Variants in ANKRD28 observed in about 807,000 individuals in gnomAD.
The protein encoded by ANKRD28 is serine/threonine-protein phosphatase 6 regulatory ankyrin repeat subunit A.
ANKRD28 carries 44 observed loss-of-function variants against 126.5 expected under a neutral mutation model. The ratio of observed to expected loss-of-function variants is 0.35; its 90% CI spans 0.27 to 0.45. The LOEUF (loss-of-function observed/expected upper bound fraction) is 0.45. ANKRD28 is among the 20% of genes least tolerant of loss of function. ANKRD28 has a pLI of 1.00. For synonymous variants in ANKRD28, 442 were observed against 468.5 expected (o/e 0.94, Z 0.73); for missense variants, 1,110 against 1,316.6 (o/e 0.84, Z 2.43).
chr3:15,805,085 A>G (rs2060548962), intron 1 of ANKRD28, among the ~76,000 whole-genome samples: 1 of 144,902 alleles, frequency 6.9e-6, no homozygotes, highest in African/African-American at 2.6e-5. Context: ...CAACAGTTAC[A>G]CATATGAACT....
At chr3:15,728,325 T>C (rs2074339974) in intron 6 of ANKRD28, among the ~76,000 whole-genome samples, 1 of 152,210 alleles carries the variant, frequency 6.6e-6, no homozygotes, top group Admixed American at 6.5e-5. Context: ...AACGGGGTCT[T>C]GCTCTGTCAC....
chr3:15,763,242 T>A (rs542298269), intron 3 of ANKRD28, among the ~76,000 whole-genome samples: 1 of 152,230 alleles, frequency 6.6e-6, no homozygotes, highest in Non-Finnish European at 1.5e-5. Context: ...TCATTCGCCT[T>A]CTTTCCCTTT....
Position 15,843,740 on chromosome 3 carries a change from G to A in ANKRD28, c.27+15637C>T, listed in dbSNP as rs1326109110. 2.7e-5 allele frequency among the ~76,000 whole-genome samples: 4 copies of A among 150,294 alleles called. No individual in the cohort carries two copies. The East Asian group carries it at 7.9e-4, about 30-fold the overall frequency. On this transcript the variant is annotated intron_variant, in intron 1 of 27. Transcript: ENST00000399451. This position sits in a 1 kb window ranked among gnomAD's most constrained non-coding sequence, Gnocchi z 5.2. ...AAATTTCAGATAAAGATAGAATTAA[G>A]AGTACAGTAGGCCAGTTTGAGCCAA...
intron 4 of ANKRD28, among the ~76,000 whole-genome samples, chr3:15,743,582 A>ACACG (rs1205429602): frequency 1.3e-5 from 2 of 150,698 alleles, no homozygotes; most frequent in African/African-American, 5.0e-5. Flanking sequence ...ACACACACAC[A>ACACG]CACACACACA....
At chr3:15,720,405 T>C (rs1417565544) in intron 8 of ANKRD28, among the ~76,000 whole-genome samples, 1 of 152,174 alleles carries the variant, frequency 6.6e-6, no homozygotes, top group African/African-American at 2.4e-5. Flanking sequence ...CACCCAGTTA[T>C]TTGATGCTTT....
At chr3:15,783,988 G>A (rs761185385) in intron 2 of ANKRD28, among the ~76,000 whole-genome samples, 4 of 151,926 alleles carry the variant, frequency 2.6e-5, no homozygotes, top group Non-Finnish European at 5.9e-5. Context: ...CTACGCCTCA[G>A]GAGCCATGAA....
intron 3 of ANKRD28, among the ~76,000 whole-genome samples, chr3:15,760,180 G>GA (rs1459692437): frequency 3.3e-5 from 5 of 152,124 alleles, no homozygotes; most frequent in Non-Finnish European, 5.9e-5. Flanking sequence ...AACACACACT[G>GA]GGGCCTATCA....
chr3:15,674,949 G>C (rs968645255), intron 27 of ANKRD28, among the ~76,000 whole-genome samples: 2 of 152,036 alleles, frequency 1.3e-5, no homozygotes, highest in Admixed American at 6.6e-5. Context: ...GGGGGAGAAG[G>C]CCTGACTATA....
At chr3:15,789,889 GAGA>G (rs1433643444) in intron 2 of ANKRD28, among the ~76,000 whole-genome samples, 7 of 151,788 alleles carry the variant, frequency 4.6e-5, no homozygotes, top group Admixed American at 1.3e-4. Flanking sequence ...AAGAAAAAAA[GAGA>G]AGAAGATCCA....
chr3:15,706,556 G>GC (rs2071454523), intron 14 of ANKRD28, among the ~76,000 whole-genome samples: 1 of 152,120 alleles, frequency 6.6e-6, no homozygotes, highest in Non-Finnish European at 1.5e-5. Flanking sequence ...ACATACGTGT[G>GC]CATGTGTCTT....
Position 15,737,194 on chromosome 3 carries a change from T to G in ANKRD28, c.391A>C (p.Asn131His). Residue 131 changes from asparagine to histidine, a missense_variant, in exon 5 of 28, where the codon AAT becomes CAT. By Grantham distance (68) the Asn-to-His change is moderately conservative. Transcript: ENST00000683139. ...QVLLKHSADV[N>H]ARDKNWQTPL... Reference sequence around the variant, plus strand: ...GTTTGCCAATTTTTGTCTCGAGCATTAACATCTGCAGAATGCTTCAAAAGT... The same window carrying G: ...GTTTGCCAATTTTTGTCTCGAGCATGAACATCTGCAGAATGCTTCAAAAGT... The G allele has an allele frequency of 6.2e-7, 1 of 1,614,010 alleles. No individual in the cohort carries two copies. The highest frequency in any genetic ancestry group is 8.5e-7 in the Non-Finnish European group (1 of 1,179,894).
At position 15,752,508 on chromosome 3, in the gene ANKRD28, G is replaced by A. The variant is rs114745469; in HGVS notation, c.281-688C>T. 5.6e-3 allele frequency among the ~76,000 whole-genome samples: 854 copies of A among 152,136 alleles called. 6 individuals are homozygous for A. The highest frequency in any genetic ancestry group is 0.02 in the African/African-American group (813 of 41,508). Reference sequence around the variant, plus strand: ...TAAGACAAAAAAATTTACATTATTCGAGGAGGGAATAATTTATCTCCCATA... The same window carrying A: ...TAAGACAAAAAAATTTACATTATTCAAGGAGGGAATAATTTATCTCCCATA... On this transcript the variant is annotated intron_variant, in intron 3 of 27. Coordinates refer to ENST00000683139, the MANE Select transcript of ANKRD28 (RefSeq NM_001349278.2).
chr3:15,756,010 TGCCAGAA>T (rs2058134616), intron 3 of ANKRD28, among the ~76,000 whole-genome samples: 1 of 152,252 alleles, frequency 6.6e-6, no homozygotes. Context: ...AAAACTTACA[TGCCAGAA>T]GCACCTCATT....
intron 6 of ANKRD28, among the ~76,000 whole-genome samples, chr3:15,725,807 G>C (rs1042298349): frequency 6.6e-6 from 1 of 152,156 alleles, no homozygotes; most frequent in Non-Finnish European, 1.5e-5. Context: ...AATTTGTGAG[G>C]CTGAGGCAGG....
intron 1 of ANKRD28, among the ~76,000 whole-genome samples, chr3:15,807,357 G>A (rs907527667): frequency 6.6e-6 from 1 of 152,200 alleles, no homozygotes; most frequent in Non-Finnish European, 1.5e-5. Context: ...TTCCCCAAGC[G>A]ATGTGGGATA....
chr3:15,676,892 T>C, intron 26 of ANKRD28, 82 bp downstream of exon 26: 1 of 1,148,418 alleles, frequency 8.7e-7, no homozygotes, highest in South Asian at 1.4e-5. Flanking sequence ...CCTATTCCAA[T>C]AGTCACATGT....
chr3:15,780,347 G>A (rs1338592383), intron 2 of ANKRD28, among the ~76,000 whole-genome samples: 2 of 151,862 alleles, frequency 1.3e-5, no homozygotes, highest in East Asian at 3.9e-4. Flanking sequence ...ACATATTTAG[G>A]TGAAAATTTA....
rs1042020115 is a variant in ANKRD28 at position 15,845,622 on chromosome 3, A to C, written c.27+13755T>G. ...CTCACTCTGATGCTGAAGTCTGCTT[A>C]TACATCCTTTAAAAGCCAGCTGTTG... On this transcript the variant is annotated intron_variant, in intron 1 of 27. Coordinates refer to the ANKRD28 transcript ENST00000399451. The surrounding 1 kb of genome is among the most constrained non-coding windows in gnomAD (Gnocchi z 4.9). Among the ~76,000 whole-genome samples the C allele has an allele frequency of 3.3e-5, 5 of 152,200 alleles. No individual in the cohort carries two copies. The highest frequency in any genetic ancestry group is 1.2e-4 in the African/African-American group (5 of 41,454).
At chr3:15,831,917 T>C (rs1165331856) in intron 1 of ANKRD28, among the ~76,000 whole-genome samples, 2 of 152,206 alleles carry the variant, frequency 1.3e-5, no homozygotes, top group Admixed American at 1.3e-4. Flanking sequence ...GAAGATAGAC[T>C]AGTTTTCTTC....
Sources: allele counts gnomAD v4.1 joint callset (sites outside exome capture counted in the v4.1 genomes callset), GRCh38; gene constraint gnomAD v4.1.1; non-coding constraint Gnocchi (gnomAD v3.1); transcripts MANE v1.5; gene names NCBI Gene and HGNC (gene_info 2026-07-23, HGNC 2026-07-21).